Variants in SCARA5 observed in about 807,000 individuals in gnomAD.
SCARA5 encodes scavenger receptor class A member 5, also known as scavenger receptor class A, member 5 (putative).
SCARA5 carries 45 observed loss-of-function variants against 46.3 expected under a neutral mutation model. The ratio of observed to expected loss-of-function variants is 0.97; its 90% CI spans 0.76 to 1.24. The LOEUF (loss-of-function observed/expected upper bound fraction) is 1.24. Among genes scored for constraint, SCARA5 ranks in the 50% most tolerant of loss-of-function variants. The pLI is 0.00. For synonymous variants in SCARA5, 333 were observed against 306.5 expected, an observed-to-expected ratio of 1.09 and a Z score of -0.90; for missense variants, 680 against 689.0, an observed-to-expected ratio of 0.99 and a Z score of 0.15.
intron 1 of SCARA5, among the ~76,000 whole-genome samples, chr8:27,988,318 T>C (rs561269109): frequency 1.3e-5 from 2 of 152,308 alleles, no homozygotes; most frequent in African/African-American, 2.4e-5. Flanking sequence ...GGCTTCTGTC[T>C]GCATGGCCCC....
chr8:27,971,089 C>T (rs1808440968), intron 2 of SCARA5, among the ~76,000 whole-genome samples: 1 of 152,250 alleles, frequency 6.6e-6, no homozygotes, highest in South Asian at 2.1e-4. Context: ...TCCCAGGCCA[C>T]TGCCTGGCAC....
intron 3 of SCARA5, among the ~76,000 whole-genome samples, chr8:27,933,010 T>G (rs1485101391): frequency 6.6e-6 from 1 of 152,152 alleles, no homozygotes; most frequent in African/African-American, 2.4e-5. Flanking sequence ...CTTAGAAACC[T>G]CCTTAAAGGC....
chr8:27,930,520 A>T (rs945656379), intron 3 of SCARA5, among the ~76,000 whole-genome samples: 3 of 151,690 alleles, frequency 2.0e-5, no homozygotes, highest in Admixed American at 6.6e-5. Context: ...ATCCTGCCTC[A>T]GCCTCCGGAG....
chr8:27,985,577 C>G (rs1378490420), intron 2 of SCARA5, among the ~76,000 whole-genome samples: 1 of 152,208 alleles, frequency 6.6e-6, no homozygotes, highest in Non-Finnish European at 1.5e-5. Flanking sequence ...ATTCTAGAAC[C>G]AGATAGGACC....
At chr8:27,978,183 C>T (rs1384527873) in intron 2 of SCARA5, among the ~76,000 whole-genome samples, 5 of 139,294 alleles carry the variant, frequency 3.6e-5, no homozygotes, top group African/African-American at 1.3e-4. Flanking sequence ...CCCACCACCA[C>T]ATCCGGCTAA....
rs554092065 is a variant in SCARA5 at position 27,911,647 on chromosome 8, C to T, written c.917-1904G>A. 9.2e-5 allele frequency among the ~76,000 whole-genome samples: 14 copies of T among 152,016 alleles called. No individual in the cohort carries two copies. The East Asian group carries it at 2.1e-3, about 23-fold the overall frequency. On this transcript the variant is annotated intron_variant, in intron 4 of 8. Transcript: ENST00000354914. Reference sequence around the variant, plus strand: ...CAGAGGCTGCCGTGAGCCGAGATTGCGCCATTACACTCCAACATGGGTGAC... The same window carrying T: ...CAGAGGCTGCCGTGAGCCGAGATTGTGCCATTACACTCCAACATGGGTGAC...
At chr8:27,959,898 A>T (rs1047699994) in intron 3 of SCARA5, among the ~76,000 whole-genome samples, 1 of 152,130 alleles carries the variant, frequency 6.6e-6, no homozygotes, top group Non-Finnish European at 1.5e-5. Context: ...TCCCCTAAAG[A>T]GCTACAATCC....
chr8:27,970,564 G>T (rs1341108276), intron 2 of SCARA5, among the ~76,000 whole-genome samples: 6 of 152,148 alleles, frequency 3.9e-5, no homozygotes, highest in Non-Finnish European at 8.8e-5. Context: ...GCATAAATAG[G>T]CCTCTAGAAC....
rs138113830 is a variant in SCARA5 at position 27,947,362 on chromosome 8, A to T, written c.241+19052T>A. ...GGCTTAAAAATCCAAAGGGCAAGAG[A>T]TTCTGCTTCTGGGTACAAGCCCAAA... On this transcript the variant is annotated intron_variant, in intron 3 of 8. Coordinates refer to ENST00000354914, the MANE Select transcript of SCARA5 (RefSeq NM_173833.6). 3.1e-3 allele frequency among the ~76,000 whole-genome samples: 477 copies of T among 152,266 alleles called. 2 individuals are homozygous for T. The highest frequency in any genetic ancestry group is 0.01 in the African/African-American group (434 of 41,560).
chr8:27,940,406 CA>C (rs1019859515), intron 3 of SCARA5, among the ~76,000 whole-genome samples: 1 of 151,950 alleles, frequency 6.6e-6, no homozygotes, highest in African/African-American at 2.4e-5. Flanking sequence ...CACTTTGAGC[CA>C]AAAGTGACCT....
intron 5 of SCARA5, 111 bp downstream of exon 5, chr8:27,909,552 G>C (rs1807335850): frequency 2.8e-6 from 2 of 708,558 alleles, no homozygotes; most frequent in South Asian, 3.8e-5. Context: ...TTGAGGCGGA[G>C]TTGATTGGGC....
At chr8:27,920,287 A>T (rs1447316934) in intron 4 of SCARA5, among the ~76,000 whole-genome samples, 2 of 152,176 alleles carry the variant, frequency 1.3e-5, no homozygotes, top group African/African-American at 4.8e-5. Context: ...CCTAGGCAAC[A>T]TAGCAAGACC....
intron 3 of SCARA5, among the ~76,000 whole-genome samples, chr8:27,961,209 A>C (rs1374830295): frequency 6.6e-6 from 1 of 152,216 alleles, no homozygotes; most frequent in Non-Finnish European, 1.5e-5. Flanking sequence ...GTTGGAGGTG[A>C]GGCCTAGTGG....
At chr8:27,949,775 C>T (rs1808094872) in intron 3 of SCARA5, among the ~76,000 whole-genome samples, 1 of 152,214 alleles carries the variant, frequency 6.6e-6, no homozygotes, top group African/African-American at 2.4e-5. Flanking sequence ...GGTCTGAGTC[C>T]TCCCCTACAG....
In SCARA5 at chr8:27,891,306, A is replaced by G. The variant is rs1375306736; in HGVS notation, c.1154-11540T>C. The stretch of plus-strand genomic sequence containing the variant: ...CTGCAACCTTCACCTCCAGAGTTCA[A>G]GTGATTCTCCTGCCTCAGCCTCCTG... On this transcript the variant is annotated intron_variant, in intron 7 of 8. Transcript: ENST00000354914. Among the ~76,000 whole-genome samples the G allele has an allele frequency of 2.6e-5, 4 of 151,776 alleles. No individual in the cohort carries two copies. The East Asian group carries it at 7.8e-4, about 29-fold the overall frequency.
At chr8:27,990,599 A>T (rs1808773901) in intron 1 of SCARA5, among the ~76,000 whole-genome samples, 1 of 152,160 alleles carries the variant, frequency 6.6e-6, no homozygotes, top group Non-Finnish European at 1.5e-5. Context: ...GTTTTCCTAC[A>T]CAGGGCACTG....
chr8:27,967,326 T>C (rs1009756797), intron 2 of SCARA5, among the ~76,000 whole-genome samples: 1 of 152,216 alleles, frequency 6.6e-6, no homozygotes, highest in African/African-American at 2.4e-5. Context: ...GAATGTCAAA[T>C]GTCAGTTAGC....
At chr8:27,936,649 T>A (rs984968690) in intron 3 of SCARA5, among the ~76,000 whole-genome samples, 1 of 138,908 alleles carries the variant, frequency 7.2e-6, no homozygotes, top group South Asian at 2.4e-4. Context: ...GTGGATTGGC[T>A]GCAACCCAGA....
chr8:27,966,941 A>G (rs1170928054), intron 2 of SCARA5, among the ~76,000 whole-genome samples: 1 of 152,238 alleles, frequency 6.6e-6, no homozygotes, highest in Non-Finnish European at 1.5e-5. Context: ...TCAAACTTCT[A>G]CAGTGGCTGG....
Sources: allele counts gnomAD v4.1 joint callset (sites outside exome capture counted in the v4.1 genomes callset), GRCh38; gene constraint gnomAD v4.1.1; transcripts MANE v1.5; gene names NCBI Gene and HGNC (gene_info 2026-07-23, HGNC 2026-07-21).